PCDH11X: variants seen among roughly 807,000 people sequenced by gnomAD.
PCDH11X encodes the protein protocadherin 11 X-linked.
A neutral mutation model predicts 53.3 loss-of-function variants in PCDH11X; 18 were observed. The observed-to-expected ratio is 0.34, with a 90% CI of 0.23 to 0.50. The LOEUF is 0.50. PCDH11X is among the 20% of genes least tolerant of loss of function. The pLI, the probability that PCDH11X is intolerant of heterozygous loss-of-function variation, is 0.98. For missense variants in PCDH11X, 570 were observed against 1,032.4 expected (o/e 0.55, Z 6.14); for synonymous variants, 279 against 393.3 (o/e 0.71, Z 3.44).
At chrX:92,508,745 A>T (rs2074112373) in intron 10 of PCDH11X, among the ~76,000 whole-genome samples, 1 of 104,698 alleles carries the variant, frequency 9.6e-6, no homozygotes, top group South Asian at 4.2e-4. Flanking sequence ...TATATAAAAA[A>T]TTTTGAAATA....
At chrX:92,301,244 T>C (rs1324947012) in intron 8 of PCDH11X, among the ~76,000 whole-genome samples, 1 of 108,361 alleles carries the variant, frequency 9.2e-6, no homozygotes, top group African/African-American at 3.4e-5. Context: ...GAGGCTAAAC[T>C]GCAAGTAGGC....
intron 6 of PCDH11X, among the ~76,000 whole-genome samples, chrX:91,886,895 C>T (rs1276824414): frequency 2.2e-4 from 23 of 102,534 alleles, no homozygotes; most frequent in Non-Finnish European, 4.3e-4. Context: ...GGCATGAACC[C>T]GGGAGGCGGA....
intron 6 of PCDH11X, among the ~76,000 whole-genome samples, chrX:92,033,629 T>C (rs2148018219): frequency 9.2e-6 from 1 of 108,841 alleles, no homozygotes; most frequent in African/African-American, 3.3e-5. Flanking sequence ...ATTTTGTATA[T>C]TTGTGTCTTC....
chrX:91,831,083 C>T (rs1204787142), intron 4 of PCDH11X, among the ~76,000 whole-genome samples: 1 of 111,794 alleles, frequency 8.9e-6, no homozygotes, highest in Non-Finnish European at 1.9e-5. Context: ...CCCTTACCTA[C>T]TCAGAGATGA....
At chrX:92,602,113 G>C (rs187827272) in intron 10 of PCDH11X, among the ~76,000 whole-genome samples, 1 of 111,164 alleles carries the variant, frequency 9.0e-6, no homozygotes, top group East Asian at 2.9e-4. Flanking sequence ...CATTTTTATC[G>C]TGAGAGCAGT....
At chrX:91,836,845 C>T (rs2571793) in intron 5 of PCDH11X, among the ~76,000 whole-genome samples, 2,284 of 110,349 alleles carry the variant, frequency 0.021, 58 homozygotes, top group African/African-American at 0.071. Context: ...TGCAGAGGGG[C>T]CACATTTATC....
intron 10 of PCDH11X, among the ~76,000 whole-genome samples, chrX:92,484,293 A>G (rs1024500244): frequency 1.2e-4 from 12 of 102,285 alleles, no homozygotes; most frequent in Admixed American, 3.4e-4. Flanking sequence ...ATGTATATAT[A>G]TGTGTGTGTA....
intron 8 of PCDH11X, among the ~76,000 whole-genome samples, chrX:92,266,574 C>T (rs938821833): frequency 7.2e-5 from 8 of 111,257 alleles, no homozygotes; most frequent in Non-Finnish European, 1.3e-4. Context: ...TGTTATATTT[C>T]GTAGATAAGC....
intron 6 of PCDH11X, among the ~76,000 whole-genome samples, chrX:91,964,317 C>T (rs1258003266): frequency 9.1e-6 from 1 of 110,190 alleles, no homozygotes; most frequent in Non-Finnish European, 1.9e-5. Flanking sequence ...TTCTAAAATT[C>T]ATATGGAACC....
At chrX:91,818,557 T>C (rs1936527595) in intron 4 of PCDH11X, among the ~76,000 whole-genome samples, 1 of 109,068 alleles carries the variant, frequency 9.2e-6, no homozygotes, top group South Asian at 4.0e-4. Flanking sequence ...TACAAAAAAT[T>C]AGCCGGGCAT....
At chrX:92,616,601 G>C (rs1377531841) in intron 10 of PCDH11X, among the ~76,000 whole-genome samples, 7 of 111,484 alleles carry the variant, frequency 6.3e-5, no homozygotes, top group Non-Finnish European at 1.3e-4. Context: ...TTATGATTTT[G>C]ATAATATTAC....
chrX:92,003,406 G>T (rs879218119), intron 6 of PCDH11X, among the ~76,000 whole-genome samples: 1 of 110,611 alleles, frequency 9.0e-6, no homozygotes, highest in Non-Finnish European at 1.9e-5. Flanking sequence ...AATGAATTTG[G>T]CATTACTCCC....
At chrX:91,826,272 T>A (rs950256580) in intron 4 of PCDH11X, among the ~76,000 whole-genome samples, 2 of 110,981 alleles carry the variant, frequency 1.8e-5, no homozygotes, top group African/African-American at 6.7e-5. Flanking sequence ...TTATACCTTA[T>A]CTTTGTAAGA....
At chrX:92,400,106 G>T (rs1171427954) in intron 9 of PCDH11X, among the ~76,000 whole-genome samples, 4 of 106,577 alleles carry the variant, frequency 3.8e-5, no homozygotes, top group Non-Finnish European at 7.7e-5. Context: ...CGTCACCCAT[G>T]TCATCTAGGT....
At chrX:91,977,522 T>C (rs1178035074) in intron 6 of PCDH11X, among the ~76,000 whole-genome samples, 1 of 111,871 alleles carries the variant, frequency 8.9e-6, no homozygotes, top group Non-Finnish European at 1.9e-5. Flanking sequence ...TCTTGCTTTC[T>C]CCTTAGCTAT....
intron 8 of PCDH11X, among the ~76,000 whole-genome samples, chrX:92,376,798 T>C (rs772319049): frequency 1.8e-5 from 2 of 112,100 alleles, no homozygotes; most frequent in East Asian, 5.6e-4. Flanking sequence ...TGTTCCATTA[T>C]GTTTAATTTA....
At chrX:92,519,249 C>T (rs1406051851) in intron 10 of PCDH11X, among the ~76,000 whole-genome samples, 11 of 107,404 alleles carry the variant, frequency 1.0e-4, no homozygotes, top group Non-Finnish European at 2.1e-4. Context: ...ACACAGTAGG[C>T]AGCAGTGGAA....
chrX:91,828,409 T>A (rs1047963720), intron 4 of PCDH11X, among the ~76,000 whole-genome samples: 11 of 111,702 alleles, frequency 9.8e-5, no homozygotes, highest in African/African-American at 3.3e-4. Flanking sequence ...TTTTCTACTC[T>A]AAGTGTATCA....
intron 6 of PCDH11X, among the ~76,000 whole-genome samples, chrX:91,941,489 G>T (rs774857120): frequency 3.1e-4 from 34 of 108,986 alleles, no homozygotes; most frequent in Non-Finnish European, 3.3e-4. Flanking sequence ...AATGTTAAAG[G>T]CATGCATTCA....
Sources: allele counts gnomAD v4.1 joint callset (sites outside exome capture counted in the v4.1 genomes callset), GRCh38; gene constraint gnomAD v4.1.1; transcripts MANE v1.5; gene names NCBI Gene and HGNC (gene_info 2026-07-23, HGNC 2026-07-21).